The following RIC3 variants were observed in gnomAD, a reference collection of about 807,000 sequenced individuals.
RIC3 encodes the protein protein RIC-3.
A neutral mutation model predicts 27.3 loss-of-function variants in RIC3; 28 were observed. The observed-to-expected ratio is 1.02, with a 90% CI of 0.76 to 1.41. The LOEUF is 1.41. Ranked by LOEUF, RIC3 falls within the 40% of genes most tolerant of loss-of-function variation. The pLI is 0.00. For missense variants in RIC3, 501 were observed against 444.7 expected (o/e 1.13, Z -1.14); for synonymous variants, 184 against 160.4 (o/e 1.15, Z -1.11).
intron 1 of RIC3, among the ~76,000 whole-genome samples, chr11:8,146,542 T>C (rs1271086938): frequency 1.3e-5 from 2 of 152,174 alleles, no homozygotes; most frequent in African/African-American, 4.8e-5. Context: ...AACTAAAACA[T>C]TTCAAGAGAT....
chr11:8,125,355 A>G (rs1308474365), intron 5 of RIC3, among the ~76,000 whole-genome samples: 1 of 152,194 alleles, frequency 6.6e-6, no homozygotes. Flanking sequence ...AAGAAAATAT[A>G]AAGGCAAGCT....
At chr11:8,095,733 T>G in the RIC3 span, 5 of 1,489,848 alleles carry the variant, frequency 3.4e-6, no homozygotes, top group African/African-American at 1.4e-5. Flanking sequence ...CACCTTTCTC[T>G]GGGAGCATGG....
chr11:8,168,360 G>A (rs1951923536), intron 1 of RIC3, among the ~76,000 whole-genome samples: 2 of 152,258 alleles, frequency 1.3e-5, no homozygotes, highest in African/African-American at 4.8e-5. Flanking sequence ...TATTTTTAAA[G>A]GCACAAGAAG....
chr11:8,143,171 T>A (rs1949259781), intron 1 of RIC3, among the ~76,000 whole-genome samples: 1 of 134,824 alleles, frequency 7.4e-6, no homozygotes, highest in African/African-American at 3.0e-5. Flanking sequence ...TTGGAAGTTC[T>A]GGCCAGGGCA....
chr11:8,144,158 C>A (rs1355648599), intron 1 of RIC3, among the ~76,000 whole-genome samples: 1 of 152,098 alleles, frequency 6.6e-6, no homozygotes. Context: ...GCGATGGCAA[C>A]AAAAGACAAA....
intron 1 of RIC3, among the ~76,000 whole-genome samples, chr11:8,157,028 A>G (rs531163114): frequency 6.6e-6 from 1 of 152,290 alleles, no homozygotes; most frequent in South Asian, 2.1e-4. Context: ...CTAGGCATTA[A>G]TACTGCTATG....
chr11:8,100,580 A>T, the RIC3 span: 7 of 1,613,972 alleles, frequency 4.3e-6, no homozygotes, highest in Admixed American at 8.3e-5. Context: ...TTCATGAGAG[A>T]GTCTCTATCC....
rs147334492 is a variant in RIC3, at chr11:8,145,974, A to G, written c.125-5781T>C. Among the ~76,000 whole-genome samples the G allele has an allele frequency of 4.2e-3, 644 of 152,334 alleles. 3 individuals carry two copies. The highest frequency in any genetic ancestry group is 0.015 in the African/African-American group (610 of 41,584). The stretch of plus-strand genomic sequence containing the variant: ...ATATTCTGCCTAGTGATCTGGCTGT[A>G]CTTCGTGATATTACATATGTACACA... On this transcript the variant is annotated intron_variant, in intron 1 of 5. Transcript: ENST00000309737.
chr11:8,096,167 C>T, the RIC3 span, among the ~76,000 whole-genome samples: 1 of 152,156 alleles, frequency 6.6e-6, no homozygotes, highest in Non-Finnish European at 1.5e-5. Flanking sequence ...GAATGGCAGG[C>T]GGGAGGACAG....
At position 8,137,469 on chromosome 11, in the gene RIC3, T is replaced by A. The variant is rs773208794; in HGVS notation, c.430A>T (p.Ser144Cys). ...MPGNTHRKIT[S>C]FELAQLQEKL... ...TCTTGCAGTTGAGCAAGCTCAAAACTGGCTAAAAAATAAGCAACAATCTAA... is the reference window on the plus strand; with the variant it reads ...TCTTGCAGTTGAGCAAGCTCAAAACAGGCTAAAAAATAAGCAACAATCTAA... The change falls in exon 4 of 6, where the codon AGT (serine) becomes TGT (cysteine). Residue 144 changes from serine (S) to cysteine (C), a missense_variant and splice_region_variant. By Grantham distance (112) the Ser-to-Cys change is moderately radical. Transcript: ENST00000309737. The A allele has an allele frequency of 6.2e-7, 1 of 1,613,664 alleles. No homozygotes were observed. The highest frequency in any genetic ancestry group is 1.3e-5 in the African/African-American group (1 of 75,042).
the RIC3 span, among the ~76,000 whole-genome samples, chr11:8,099,195 C>T: frequency 5.3e-5 from 8 of 152,100 alleles, no homozygotes; most frequent in African/African-American, 1.9e-4. Flanking sequence ...CCAGATCATC[C>T]CTCTGGCATG....
At chr11:8,132,761 TA>T in intron 4 of RIC3, among the ~76,000 whole-genome samples, 1 of 152,350 alleles carries the variant, frequency 6.6e-6, no homozygotes, top group South Asian at 2.1e-4. Context: ...TAAGAGGCTG[TA>T]AATGAATGTA....
chr11:8,093,951 C>A, the RIC3 span: 92 of 1,516,238 alleles, frequency 6.1e-5, no homozygotes, highest in Non-Finnish European at 7.8e-5. Flanking sequence ...GGGGTGCAGT[C>A]AAAAATGCTG....
intron 1 of RIC3, among the ~76,000 whole-genome samples, chr11:8,166,054 G>C (rs534580773): frequency 1.3e-5 from 2 of 152,270 alleles, no homozygotes; most frequent in Non-Finnish European, 2.9e-5. Context: ...CTTTCAAAAT[G>C]CTGGGATTAC....
At chr11:8,097,113 C>A in the RIC3 span, 1 of 1,222,530 alleles carries the variant, frequency 8.2e-7, no homozygotes, top group Non-Finnish European at 1.2e-6. Context: ...GCCCCAATCC[C>A]AGGATCCTTC....
At chr11:8,094,013 C>A in the RIC3 span, 10 of 1,613,818 alleles carry the variant, frequency 6.2e-6, no homozygotes, top group Non-Finnish European at 7.6e-6. Context: ...CTGCCTGTTT[C>A]TCTCTCTCCA....
At chr11:8,159,388 C>T (rs546427616) in intron 1 of RIC3, among the ~76,000 whole-genome samples, 2 of 152,164 alleles carry the variant, frequency 1.3e-5, no homozygotes, top group South Asian at 4.2e-4. Context: ...TTACATAGGG[C>T]CTTTTGGGTC....
At chr11:8,156,538 C>A (rs896849908) in intron 1 of RIC3, among the ~76,000 whole-genome samples, 1 of 152,184 alleles carries the variant, frequency 6.6e-6, no homozygotes, top group Non-Finnish European at 1.5e-5. Context: ...TCCTAAACAA[C>A]TGAATTCCAT....
At chr11:8,093,430 A>G in the RIC3 span, among the ~76,000 whole-genome samples, 5,295 of 152,222 alleles carry the variant, frequency 0.035, 312 homozygotes, top group African/African-American at 0.12. Flanking sequence ...GCTTAAGAGC[A>G]ATCAGAAACC....
Sources: allele counts gnomAD v4.1 joint callset (sites outside exome capture counted in the v4.1 genomes callset), GRCh38; gene constraint gnomAD v4.1.1; transcripts MANE v1.5; gene names NCBI Gene and HGNC (gene_info 2026-07-23, HGNC 2026-07-21).